The following ZNF609 variants were observed in gnomAD, a reference collection of about 807,000 sequenced individuals.
ZNF609 encodes zinc finger protein 609.
In ZNF609, 11 loss-of-function variants were observed where a neutral mutation model predicts 109.5. That is an observed-to-expected ratio of 0.10 (90% CI 0.06 to 0.17). The LOEUF (loss-of-function observed/expected upper bound fraction) is 0.17, where lower values mean the gene tolerates loss of function less well. ZNF609 is among the 10% of genes least tolerant of loss of function. The pLI is 1.00. For missense variants in ZNF609, 1,559 were observed against 1,772.4 expected, an observed-to-expected ratio of 0.88 and a Z score of 2.16; for synonymous variants, 646 against 662.0, an observed-to-expected ratio of 0.98 and a Z score of 0.37.
At chr15:64,528,280 G>A (rs1165005264) in intron 2 of ZNF609, among the ~76,000 whole-genome samples, 2 of 151,766 alleles carry the variant, frequency 1.3e-5, no homozygotes, top group East Asian at 3.9e-4. Context: ...GAATTTTTTA[G>A]TAGAGATGGG....
intron 3 of ZNF609, among the ~76,000 whole-genome samples, chr15:64,658,278 A>G (rs1595755106): frequency 1.3e-5 from 2 of 151,846 alleles, no homozygotes; most frequent in South Asian, 2.1e-4. Context: ...GCTCACCGCA[A>G]CCTCCGCCTC....
intron 2 of ZNF609, among the ~76,000 whole-genome samples, chr15:64,510,212 T>TC (rs1372457752): frequency 6.6e-6 from 1 of 150,576 alleles, no homozygotes; most frequent in African/African-American, 2.4e-5. Context: ...TTTCTTTTTT[T>TC]TTTTTTTTAA....
At chr15:64,563,013 G>A (rs1258941023) in intron 2 of ZNF609, among the ~76,000 whole-genome samples, 2 of 151,992 alleles carry the variant, frequency 1.3e-5, no homozygotes, top group African/African-American at 4.8e-5. Flanking sequence ...GCTTGGTGGT[G>A]CACACCTGTA....
In ZNF609 at chr15:64,645,749, A is replaced by T. The variant is rs1338027610; in HGVS notation, c.973+22697A>T. Among the ~76,000 whole-genome samples the T allele has an allele frequency of 2.6e-5, 4 of 152,200 alleles. No homozygotes were observed. The East Asian group carries it at 7.7e-4, about 29-fold the overall frequency. ...TTGAATAGACATTTTGCCAAAGAAG[A>T]TATCTAAATGACCAATAATCACATG... is the stretch of plus-strand genomic sequence containing the variant. On this transcript the variant is annotated intron_variant, in intron 3 of 9. Transcript: ENST00000326648.
At chr15:64,577,071 T>TAC (rs199907777) in intron 2 of ZNF609, among the ~76,000 whole-genome samples, 5,724 of 46,532 alleles carry the variant, frequency 0.12, 930 homozygotes, top group African/African-American at 0.21. Context: ...TATGTATATA[T>TAC]ACACAAATAT....
intron 1 of ZNF609, among the ~76,000 whole-genome samples, chr15:64,498,360 C>T (rs1351510377): frequency 2.6e-5 from 4 of 152,084 alleles, no homozygotes; most frequent in Non-Finnish European, 4.4e-5. Flanking sequence ...ATAAATTGCA[C>T]TTTTAATACC....
intron 1 of ZNF609, among the ~76,000 whole-genome samples, chr15:64,498,116 T>C: frequency 6.6e-6 from 1 of 151,812 alleles, no homozygotes; most frequent in East Asian, 1.9e-4. Context: ...GTGGTGTGAT[T>C]TCAGCTCACT....
At chr15:64,679,497 C>T (rs999625886) in intron 6 of ZNF609, among the ~76,000 whole-genome samples, 2 of 152,212 alleles carry the variant, frequency 1.3e-5, no homozygotes, top group Admixed American at 6.5e-5. Flanking sequence ...CTTAGAGCCT[C>T]CAGCTTCCTA....
chr15:64,524,488 C>T (rs1389834880), intron 2 of ZNF609, among the ~76,000 whole-genome samples: 1 of 149,248 alleles, frequency 6.7e-6, no homozygotes, highest in Non-Finnish European at 1.5e-5. Context: ...TGCTTGAACC[C>T]GGGAGGTGGA....
intron 2 of ZNF609, among the ~76,000 whole-genome samples, chr15:64,609,225 G>A (rs1027277633): frequency 7.4e-5 from 11 of 148,614 alleles, no homozygotes; most frequent in East Asian, 2.0e-4. Flanking sequence ...TCACTCTGTC[G>A]CCCAGGCTGG....
At chr15:64,607,458 A>G (rs1226873993) in intron 2 of ZNF609, among the ~76,000 whole-genome samples, 1 of 151,016 alleles carries the variant, frequency 6.6e-6, no homozygotes, top group Non-Finnish European at 1.5e-5. Flanking sequence ...ATATGTTAAT[A>G]TTTAACAGGT....
At position 64,674,490 on chromosome 15, in the gene ZNF609, G is replaced by A; in HGVS notation, c.1636G>A (p.Gly546Arg). ...GEEPILHADL[G>R]SCNGASVSQK... ...GGAACCTATTCTCCATGCAGATCTT[G>A]GGAGCTGCAACGGTGCATCTGTCTC... is the stretch of plus-strand genomic sequence containing the variant. The change falls in exon 5 of 10, where the codon GGG (glycine) becomes AGG (arginine). Residue 546 changes from glycine (G) to arginine (R), a missense_variant. By Grantham distance (125) the Gly-to-Arg change is moderately radical (BLOSUM62 -2). Transcript: ENST00000326648. The A allele has an allele frequency of 6.2e-7, 1 of 1,614,168 alleles. No homozygotes were observed. The highest frequency in any genetic ancestry group is 8.5e-7 in the Non-Finnish European group (1 of 1,180,026).
intron 2 of ZNF609, among the ~76,000 whole-genome samples, chr15:64,584,529 G>A: frequency 6.6e-6 from 1 of 152,032 alleles, no homozygotes; most frequent in Middle Eastern, 3.2e-3. Flanking sequence ...TCGAACTCGT[G>A]ACCTCAAGTA....
chr15:64,662,404 C>A lies in ZNF609; in HGVS notation c.974-7942C>A, dbSNP rs117420500. Among the ~76,000 whole-genome samples, 3 of 152,290 alleles carry A rather than the reference C, an allele frequency of 2.0e-5. No homozygotes were observed. In the East Asian group the frequency reaches 5.8e-4, roughly 29 times the overall value. On this transcript the variant is annotated intron_variant, in intron 3 of 9. Transcript: ENST00000326648. Reference sequence around the variant, plus strand: ...GCAGGGGCAACATCTCAACTCATTACAGCCTAGATCTCCCGGGCTCAAGTG... The same window carrying A: ...GCAGGGGCAACATCTCAACTCATTAAAGCCTAGATCTCCCGGGCTCAAGTG...
chr15:64,668,122 AG>A (rs1237741270), intron 3 of ZNF609, among the ~76,000 whole-genome samples: 3 of 152,216 alleles, frequency 2.0e-5, no homozygotes, highest in Non-Finnish European at 2.9e-5. Context: ...AGACAGAGAA[AG>A]GGGAAAAAGT....
chr15:64,583,368 T>A (rs1722234718), intron 2 of ZNF609, among the ~76,000 whole-genome samples: 2 of 151,860 alleles, frequency 1.3e-5, no homozygotes, highest in Admixed American at 6.6e-5. Flanking sequence ...AAAAATTAAA[T>A]TAAATTTAAA....
At chr15:64,681,426 C>A (rs376487587) in intron 9 of ZNF609, 39 bp downstream of exon 9, 10 of 1,545,054 alleles carry the variant, frequency 6.5e-6, no homozygotes, top group Non-Finnish European at 8.9e-6. Flanking sequence ...CACATAAAGC[C>A]GGGATAGTTG....
At chr15:64,536,450 C>T (rs1358842118) in intron 2 of ZNF609, among the ~76,000 whole-genome samples, 2 of 152,114 alleles carry the variant, frequency 1.3e-5, no homozygotes. Context: ...TCATCTTTTG[C>T]TTGAATCAAC....
intron 2 of ZNF609, among the ~76,000 whole-genome samples, chr15:64,606,918 C>A (rs982714501): frequency 6.6e-6 from 1 of 151,768 alleles, no homozygotes; most frequent in Non-Finnish European, 1.5e-5. Flanking sequence ...CCGAGGCTGG[C>A]GGATCACCCT....
Sources: gnomAD v4.1 joint callset for allele counts (sites outside exome capture counted in the v4.1 genomes callset) on GRCh38, gnomAD v4.1.1 for gene constraint, MANE v1.5 for transcripts, NCBI Gene and HGNC (gene_info 2026-07-23, HGNC 2026-07-21) for gene names.